ARID4B: variants seen among roughly 807,000 people sequenced by gnomAD.
ARID4B encodes the protein AT-rich interactive domain-containing protein 4B.
In ARID4B, 26 loss-of-function variants were observed where a neutral mutation model predicts 147.5. The ratio of observed to expected loss-of-function variants is 0.18; its 90% CI spans 0.13 to 0.24. The LOEUF (loss-of-function observed/expected upper bound fraction) is 0.24. ARID4B is among the 10% of genes least tolerant of loss of function. The pLI, the probability that ARID4B is intolerant of heterozygous loss-of-function variation, is 1.00. For synonymous variants in ARID4B, 512 were observed against 507.9 expected, an observed-to-expected ratio of 1.01 and a Z score of -0.11; for missense variants, 1,179 against 1,511.5, an observed-to-expected ratio of 0.78 and a Z score of 3.65.
intron 12 of ARID4B, among the ~76,000 whole-genome samples, chr1:235,223,930 GC>G (rs2103032449): frequency 6.6e-6 from 1 of 151,490 alleles, no homozygotes; most frequent in South Asian, 2.1e-4. Context: ...TACTTCTTAG[GC>G]CAACCCTCCA....
chr1:235,189,139 G>A (rs968756968), intron 19 of ARID4B, among the ~76,000 whole-genome samples: 30 of 152,094 alleles, frequency 2.0e-4, no homozygotes, highest in South Asian at 8.3e-4. Context: ...AGTGGCTCAC[G>A]CCTATAATCC....
rs190781037 is a variant in ARID4B, at chr1:235,186,401, G to A, written c.2126-3608C>T. On this transcript the variant is annotated intron_variant, in intron 19 of 23. Coordinates refer to ENST00000264183, the MANE Select transcript of ARID4B (RefSeq NM_016374.6). ...CATTTAAAATTCTTAATGCTCTACT[G>A]AATTTGCTTATTTTTTTTTTTTTTT... is the stretch of plus-strand genomic sequence containing the variant. Among the ~76,000 whole-genome samples the A allele has an allele frequency of 5.3e-5, 8 of 150,750 alleles. No individual in the cohort carries two copies. The East Asian group carries it at 1.2e-3, about 22-fold the overall frequency.
At chr1:235,290,524 T>A (rs1369186997) in intron 2 of ARID4B, among the ~76,000 whole-genome samples, 2 of 151,722 alleles carry the variant, frequency 1.3e-5, no homozygotes, top group African/African-American at 4.8e-5. Context: ...TGAAATAATA[T>A]ATGTACAAAG....
chr1:235,288,091 G>A (rs545587377), intron 2 of ARID4B, among the ~76,000 whole-genome samples: 7 of 152,324 alleles, frequency 4.6e-5, no homozygotes, highest in Non-Finnish European at 1.0e-4. Flanking sequence ...TGGATCACCT[G>A]AAGTCAGGAA....
chr1:235,226,570 G>A (rs537778560), intron 11 of ARID4B, among the ~76,000 whole-genome samples: 123 of 151,884 alleles, frequency 8.1e-4, no homozygotes, highest in African/African-American at 2.9e-3. Context: ...CACCCAGGCT[G>A]GAGTGCAGTG....
chr1:235,301,454 G>C (rs922692262), intron 2 of ARID4B, among the ~76,000 whole-genome samples: 2 of 151,482 alleles, frequency 1.3e-5, no homozygotes, highest in African/African-American at 4.8e-5. Flanking sequence ...TGGGAGGATC[G>C]CTAGAGCCTA....
chr1:235,238,729 A>G (rs967190774), intron 8 of ARID4B, among the ~76,000 whole-genome samples: 3 of 151,994 alleles, frequency 2.0e-5, no homozygotes, highest in African/African-American at 7.3e-5. Context: ...GGTGGTCTCC[A>G]CCTGTAGTGT....
At chr1:235,280,684 G>A (rs1049889728) in intron 2 of ARID4B, among the ~76,000 whole-genome samples, 1 of 152,250 alleles carries the variant, frequency 6.6e-6, no homozygotes, top group African/African-American at 2.4e-5. Flanking sequence ...CAGGGGCGCA[G>A]GGTGGGGCTG....
intron 2 of ARID4B, among the ~76,000 whole-genome samples, chr1:235,311,064 T>A (rs1239193470): frequency 6.6e-6 from 1 of 152,146 alleles, no homozygotes; most frequent in Non-Finnish European, 1.5e-5. Flanking sequence ...GGATGCTCCC[T>A]CACTAATCCT....
intron 8 of ARID4B, among the ~76,000 whole-genome samples, chr1:235,238,632 G>A (rs529859044): frequency 2.6e-4 from 40 of 152,280 alleles, no homozygotes; most frequent in Non-Finnish European, 4.9e-4. Context: ...AAGGTGGGAA[G>A]GTCACTTGAA....
At chr1:235,183,109 A>C (rs938807683) in intron 19 of ARID4B, among the ~76,000 whole-genome samples, 24 of 152,152 alleles carry the variant, frequency 1.6e-4, no homozygotes, top group African/African-American at 5.8e-4. Context: ...AAAAGAAAAA[A>C]GCTTCTCCAA....
intron 2 of ARID4B, among the ~76,000 whole-genome samples, chr1:235,313,191 G>A (rs1396981165): frequency 6.6e-6 from 1 of 151,992 alleles, no homozygotes; most frequent in African/African-American, 2.4e-5. Flanking sequence ...CACCATGCCT[G>A]GCTAATTTTT....
At chr1:235,255,815 T>C in intron 4 of ARID4B, 65 bp from the exon 5 acceptor site, 2 of 1,116,932 alleles carry the variant, frequency 1.8e-6, no homozygotes, top group Non-Finnish European at 2.6e-6. Context: ...AAAACCTGGG[T>C]TTGTTTTCTT....
chr1:235,220,344 A>C lies in ARID4B; in HGVS notation c.1365T>G (p.Ile455Met). The C allele has an allele frequency of 1.9e-6, 3 of 1,609,252 alleles. No homozygotes were observed. Among genetic ancestry groups the C allele is most frequent in the Non-Finnish European group, 2.5e-6 (3 of 1,177,316 alleles). Residue 455 changes from isoleucine to methionine, a missense_variant, in exon 15 of 24, where the codon ATT becomes ATG. This residue lies in a region of ARID4B where 204 missense variants were observed against 210.9 expected (regional missense o/e 0.97). Transcript: ENST00000264183. ...RNIIPREEKP[I>M]EDEIERKENI... ...TTTCTTTTCTTTCAATTTCATCCTC[A>C]ATAGGCTTTTCTTCTCTTGGTATTA...
At chr1:235,184,199 T>C (rs902266826) in intron 19 of ARID4B, among the ~76,000 whole-genome samples, 9 of 152,214 alleles carry the variant, frequency 5.9e-5, no homozygotes, top group Non-Finnish European at 5.9e-5. Context: ...AAATTAATTA[T>C]GGAACTTACT....
At position 235,166,913 on chromosome 1, in the gene ARID4B, T is replaced by C. The variant is rs1170845414; in HGVS notation, c.*1612A>G. On this transcript the variant is annotated 3_prime_UTR_variant, in exon 24 of 24. Coordinates refer to ENST00000264183, the MANE Select transcript of ARID4B (RefSeq NM_016374.6). The stretch of plus-strand genomic sequence containing the variant: ...ACAAAAATCAAGGATTCACAAACTA[T>C]GGCATTTTATTTCAGAGCCTTTGCT... 5.7e-6 allele frequency: 1 copy of C among 176,434 alleles called. No homozygotes were observed. The highest frequency in any genetic ancestry group is 1.2e-5 in the Non-Finnish European group (1 of 81,640). 10.9% of individuals were successfully genotyped at this position (176,434 alleles called of 1,614,324 possible).
intron 20 of ARID4B, chr1:235,180,848 G>C (rs1323178853): frequency 6.5e-6 from 1 of 153,976 alleles, no homozygotes; most frequent in Non-Finnish European, 1.4e-5. Context: ...CTGATTTAAA[G>C]ATACCTGAAT....
At chr1:235,313,755 G>C (rs946551815) in intron 2 of ARID4B, among the ~76,000 whole-genome samples, 1 of 152,174 alleles carries the variant, frequency 6.6e-6, no homozygotes, top group Non-Finnish European at 1.5e-5. Context: ...TATTTACTAA[G>C]AGAAGCTTCT....
chr1:235,289,501 G>A (rs994678784), intron 2 of ARID4B, among the ~76,000 whole-genome samples: 1 of 151,998 alleles, frequency 6.6e-6, no homozygotes, highest in African/African-American at 2.4e-5. Context: ...AGGTAGGTGA[G>A]GTGCTTGAGC....
Sources: gnomAD v4.1 joint callset for allele counts (sites outside exome capture counted in the v4.1 genomes callset) on GRCh38, gnomAD v4.1.1 for gene constraint, gnomAD v4.1.1 regional missense constraint, MANE v1.5 for transcripts, NCBI Gene and HGNC (gene_info 2026-07-23, HGNC 2026-07-21) for gene names.